The following DYNC2H1 variants were observed in gnomAD, a reference collection of about 807,000 sequenced individuals.
DYNC2H1 encodes dynein cytoplasmic 2 heavy chain 1, also known as cytoplasmic dynein 2 heavy chain 1.
DYNC2H1 carries 410 observed loss-of-function variants against 570.0 expected under a neutral mutation model. The ratio of observed to expected loss-of-function variants is 0.72; its 90% CI spans 0.66 to 0.78. The LOEUF is 0.78. Ranked by LOEUF, DYNC2H1 falls within the 30% of genes least tolerant of loss-of-function variation. DYNC2H1 has a pLI of 0.00. For missense variants in DYNC2H1, 4,865 were observed against 5,046.4 expected (o/e 0.96, Z 1.09); for synonymous variants, 1,688 against 1,677.6 (o/e 1.01, Z -0.15).
intron 62 of DYNC2H1, 83 bp downstream of exon 62, chr11:103,235,896 C>G: frequency 1.3e-6 from 2 of 1,485,266 alleles, no homozygotes; most frequent in Non-Finnish European, 1.8e-6. Context: ...AAAAATAGAC[C>G]CTTTATTCTC....
At chr11:103,214,872 G>A (rs1237646577) in intron 54 of DYNC2H1, among the ~76,000 whole-genome samples, 2 of 148,546 alleles carry the variant, frequency 1.3e-5, no homozygotes, top group Non-Finnish European at 3.0e-5. Flanking sequence ...CCTCTCCTTG[G>A]TTCACTTTAT....
In DYNC2H1 at chr11:103,109,491, A is replaced by G; in HGVS notation, c.-84A>G. The G allele has an allele frequency of 3.0e-6, 4 of 1,337,386 alleles. No homozygotes were observed. The highest frequency in any genetic ancestry group is 4.1e-6 in the Non-Finnish European group (4 of 972,838). 82.8% of individuals were successfully genotyped at this position (1,337,386 alleles called of 1,614,324 possible). On this transcript the variant is annotated 5_prime_UTR_variant, in exon 1 of 89. Transcript: ENST00000375735. The stretch of plus-strand genomic sequence containing the variant: ...GCGGTCGGGCTACGGGTTTGAGCAA[A>G]GCTCCTCTCTTCCCTTCACTTCCCT...
At chr11:103,408,949 C>A (rs1473107658) in intron 84 of DYNC2H1, among the ~76,000 whole-genome samples, 1 of 151,952 alleles carries the variant, frequency 6.6e-6, no homozygotes, top group Non-Finnish European at 1.5e-5. Flanking sequence ...TTGTTTATAT[C>A]CCGCCGGATA....
chr11:103,160,796 T>A (rs376411128), intron 28 of DYNC2H1, 136 bp from the exon 29 acceptor site: 1 of 425,364 alleles, frequency 2.4e-6, no homozygotes, highest in South Asian at 8.1e-5. Context: ...AGGAGCACTA[T>A]ATATTATGTG....
chr11:103,190,795 A>T (rs963586694), intron 45 of DYNC2H1, among the ~76,000 whole-genome samples: 1 of 151,940 alleles, frequency 6.6e-6, no homozygotes, highest in Non-Finnish European at 1.5e-5. Context: ...GAAGAGAGAT[A>T]CTTTGATTTG....
At chr11:103,393,211 T>C (rs964518630) in intron 83 of DYNC2H1, among the ~76,000 whole-genome samples, 1 of 152,216 alleles carries the variant, frequency 6.6e-6, no homozygotes, top group Admixed American at 6.5e-5. Context: ...AAAATAACTT[T>C]GTACTGAAAG....
intron 88 of DYNC2H1, among the ~76,000 whole-genome samples, chr11:103,475,355 A>C (rs1945518507): frequency 6.6e-6 from 1 of 152,188 alleles, no homozygotes; most frequent in Non-Finnish European, 1.5e-5. Context: ...TTTTAGTTTC[A>C]TCCAAATACT....
chr11:103,371,689 G>C (rs1941152290), intron 83 of DYNC2H1, among the ~76,000 whole-genome samples: 3 of 152,238 alleles, frequency 2.0e-5, no homozygotes, highest in South Asian at 4.1e-4. Context: ...CCCTAGAATA[G>C]TATATGTAGT....
At chr11:103,183,136 C>G (rs1374403537) in intron 40 of DYNC2H1, among the ~76,000 whole-genome samples, 1 of 151,916 alleles carries the variant, frequency 6.6e-6, no homozygotes, top group African/African-American at 2.4e-5. Flanking sequence ...ATTGTGTCCT[C>G]AGAACCAAGT....
intron 15 of DYNC2H1, among the ~76,000 whole-genome samples, chr11:103,134,828 C>A (rs955681924): frequency 6.6e-6 from 1 of 151,720 alleles, no homozygotes; most frequent in African/African-American, 2.4e-5. Context: ...AATTTGAGTT[C>A]TATTCATATT....
In DYNC2H1 at chr11:103,158,708, A is replaced by G; in HGVS notation, c.4159A>G (p.Arg1387Gly). ...AATGACTGATATCAAGAAAGACAAT[A>G]GAGTCACAACATTAACTACTCATGC... ...SIMTDIKKDN[R>G]VTTLTTHAGI... The change falls in exon 27 of 89, where the codon AGA (arginine) becomes GGA (glycine). Residue 1387 changes from arginine to glycine, a missense_variant. Transcript: ENST00000375735. 1.3e-6 allele frequency: 2 copies of G among 1,528,182 alleles called. No homozygotes were observed. The highest frequency in any genetic ancestry group is 1.8e-6 in the Non-Finnish European group (2 of 1,130,050). The allele number at this position is 1,528,182 out of a possible 1,614,324, so 94.7% of individuals were successfully genotyped here.
Position 103,329,309 on chromosome 11 carries a change from A to G in DYNC2H1, c.12039+5319A>G, listed in dbSNP as rs1591586084. On this transcript the variant is annotated intron_variant, in intron 82 of 88. Transcript: ENST00000375735. ...AGAGAGTCTTCAGGTGATGGGAGGGAGTGATGCTGGTTGTTCAGGGAGTGG... is the reference window on the plus strand; with the variant it reads ...AGAGAGTCTTCAGGTGATGGGAGGGGGTGATGCTGGTTGTTCAGGGAGTGG... Among the ~76,000 whole-genome samples, 2 of 151,736 alleles carry G rather than the reference A, an allele frequency of 1.3e-5. 1 individual carries two copies. Among genetic ancestry groups the G allele is most frequent in the South Asian group, 4.2e-4 (2 of 4,812 alleles).
chr11:103,147,197 C>T (rs1296803886), intron 18 of DYNC2H1, among the ~76,000 whole-genome samples: 1 of 152,064 alleles, frequency 6.6e-6, no homozygotes, highest in African/African-American at 2.4e-5. Context: ...ACAAAGATTG[C>T]ATTGTTTTAT....
intron 60 of DYNC2H1, among the ~76,000 whole-genome samples, chr11:103,233,809 A>T (rs1864107597): frequency 6.8e-6 from 1 of 147,512 alleles, no homozygotes; most frequent in Non-Finnish European, 1.5e-5. Flanking sequence ...AAGTTTTTTG[A>T]GGTAGAGAAT....
chr11:103,152,089 A>G, intron 20 of DYNC2H1, 47 bp from the exon 21 acceptor site: 1 of 1,466,356 alleles, frequency 6.8e-7, no homozygotes, highest in Non-Finnish European at 9.2e-7. Context: ...AAGAGATTTG[A>G]TAAAATAGGT....
rs778724313 is a variant in DYNC2H1 at position 103,154,676 on chromosome 11, T to G, written c.3459-19T>G. The G allele has an allele frequency of 2.4e-5, 37 of 1,565,866 alleles. No homozygotes were observed. The highest frequency in any genetic ancestry group is 1.7e-4 in the Middle Eastern group (1 of 5,992). ...ATTTTTGGATGTAATCTTTGCAATG[T>G]GTTTTTGGTATTTTATAGGACTAAG... On this transcript the variant is annotated intron_variant, in intron 23 of 88. Coordinates refer to ENST00000375735, the MANE Select transcript of DYNC2H1 (RefSeq NM_001377.3).
chr11:103,150,579 T>C (rs1255596269), intron 20 of DYNC2H1, among the ~76,000 whole-genome samples: 1 of 152,062 alleles, frequency 6.6e-6, no homozygotes, highest in South Asian at 2.1e-4. Context: ...CTGGTAGAAA[T>C]CAAATGAGGA....
chr11:103,260,619 A>AT (rs35142548), intron 70 of DYNC2H1, among the ~76,000 whole-genome samples: 19,783 of 140,010 alleles, frequency 0.14, 1,476 homozygotes, highest in African/African-American at 0.19. Flanking sequence ...TGTACTTAGA[A>AT]TTTTTTTTTT....
At chr11:103,412,876 T>G (rs1444657085) in intron 84 of DYNC2H1, among the ~76,000 whole-genome samples, 1 of 152,190 alleles carries the variant, frequency 6.6e-6, no homozygotes, top group African/African-American at 2.4e-5. Flanking sequence ...ATCCTGGTTA[T>G]TCCTTTCACT....
Sources: allele counts gnomAD v4.1 joint callset (sites outside exome capture counted in the v4.1 genomes callset), GRCh38; gene constraint gnomAD v4.1.1; transcripts MANE v1.5; gene names NCBI Gene and HGNC (gene_info 2026-07-23, HGNC 2026-07-21).